FOXJ3: variants seen among roughly 807,000 people sequenced by gnomAD.
The protein encoded by FOXJ3 is forkhead box J3.
FOXJ3 carries 22 observed loss-of-function variants against 76.1 expected under a neutral mutation model. The ratio of observed to expected loss-of-function variants is 0.29; its 90% CI spans 0.21 to 0.41. FOXJ3 has a LOEUF of 0.41. FOXJ3 is among the 10% of genes least tolerant of loss of function. FOXJ3 has a pLI of 1.00. For missense variants in FOXJ3, 613 were observed against 762.1 expected, an observed-to-expected ratio of 0.80 and a Z score of 2.30; for synonymous variants, 269 against 261.2, an observed-to-expected ratio of 1.03 and a Z score of -0.29.
intron 4 of FOXJ3, among the ~76,000 whole-genome samples, chr1:42,229,495 T>C (rs1647884068): frequency 6.6e-6 from 1 of 152,154 alleles, no homozygotes; most frequent in South Asian, 2.1e-4. Flanking sequence ...TGTACACTGT[T>C]GGGGTACAAG....
intron 6 of FOXJ3, among the ~76,000 whole-genome samples, chr1:42,201,618 A>G (rs569742185): frequency 6.6e-6 from 1 of 152,340 alleles, no homozygotes; most frequent in African/African-American, 2.4e-5. Flanking sequence ...GCTGGGTTAA[A>G]TTAGACAACA....
chr1:42,303,358 T>C (rs1037862355), intron 2 of FOXJ3, among the ~76,000 whole-genome samples: 3 of 152,234 alleles, frequency 2.0e-5, no homozygotes, highest in Non-Finnish European at 2.9e-5. Context: ...AAATAATGCC[T>C]GGTCTAATAG....
At chr1:42,250,665 A>G (rs1005744009) in intron 4 of FOXJ3, among the ~76,000 whole-genome samples, 2 of 151,962 alleles carry the variant, frequency 1.3e-5, no homozygotes, top group Admixed American at 1.3e-4. Flanking sequence ...AAAAATACAA[A>G]ATTAGCTGGG....
At chr1:42,258,642 A>G (rs1164047102) in intron 4 of FOXJ3, among the ~76,000 whole-genome samples, 1 of 152,194 alleles carries the variant, frequency 6.6e-6, no homozygotes, top group African/African-American at 2.4e-5. Context: ...TTAAGCCTAG[A>G]GTGTTAAGAA....
At chr1:42,293,845 A>T (rs1035583239) in intron 2 of FOXJ3, among the ~76,000 whole-genome samples, 1 of 151,676 alleles carries the variant, frequency 6.6e-6, no homozygotes. Flanking sequence ...GGTGTTAATA[A>T]AACTGTGAAG....
At chr1:42,325,410 A>G (rs1655769921) in intron 1 of FOXJ3, among the ~76,000 whole-genome samples, 1 of 152,218 alleles carries the variant, frequency 6.6e-6, no homozygotes, top group African/African-American at 2.4e-5. Context: ...AAATCACAGG[A>G]TACTTCCAGA....
intron 11 of FOXJ3, among the ~76,000 whole-genome samples, chr1:42,183,281 G>A (rs1646361945): frequency 8.3e-6 from 1 of 120,926 alleles, no homozygotes; most frequent in East Asian, 2.8e-4. Context: ...AGAGCGGAGA[G>A]GGTGGAGCGG....
chr1:42,179,526 T>C lies in FOXJ3; in HGVS notation c.*184A>G. 2.2e-6 allele frequency: 1 copy of C among 446,118 alleles called. No individual in the cohort carries two copies. Among genetic ancestry groups the C allele is most frequent in the Non-Finnish European group, 4.1e-6 (1 of 246,398 alleles). 27.6% of individuals were successfully genotyped at this position (446,118 alleles called of 1,614,324 possible). Reference sequence around the variant, plus strand: ...GGCAGGGAGACAAACATGTAGTACTTGCTTGGGTCAGATAAAAGCAGTAAG... The same window carrying C: ...GGCAGGGAGACAAACATGTAGTACTCGCTTGGGTCAGATAAAAGCAGTAAG... On this transcript the variant is annotated 3_prime_UTR_variant, in exon 13 of 13. Coordinates refer to ENST00000361346, the MANE Select transcript of FOXJ3 (RefSeq NM_014947.5).
rs1646333565 is a variant in FOXJ3, at chr1:42,181,972, G to A, written c.1698C>T (p.Pro566=). 6.2e-7 allele frequency: 1 copy of A among 1,613,690 alleles called. No homozygotes were observed. The change falls in exon 12 of 13, where the codon CCC becomes CCT. Residue 566 remains proline (P), a synonymous_variant. Transcript: ENST00000361346. ...CCTGTGGGATATGAGGATAACCAGG[G>A]GGTGGCATCACTGAAGGAGGGAGAT... The part of the protein sequence containing the change: ...RQNLPPSVMP[P]PGYPHIPQAL...
chr1:42,301,942 T>C (rs1394841167), intron 2 of FOXJ3, among the ~76,000 whole-genome samples: 3 of 152,146 alleles, frequency 2.0e-5, no homozygotes, highest in African/African-American at 7.2e-5. Context: ...TCTCTCCTTA[T>C]TTTTTGAATT....
At chr1:42,228,418 C>T (rs1384987554) in intron 4 of FOXJ3, among the ~76,000 whole-genome samples, 1 of 151,956 alleles carries the variant, frequency 6.6e-6, no homozygotes, top group African/African-American at 2.4e-5. Flanking sequence ...TCCTGAGAAG[C>T]AATGATACGT....
intron 1 of FOXJ3, among the ~76,000 whole-genome samples, chr1:42,334,422 G>A (rs550356607): frequency 1.3e-5 from 2 of 152,110 alleles, no homozygotes; most frequent in Admixed American, 1.3e-4. Flanking sequence ...AGCTGGGAGG[G>A]GGGGCGGGAG....
rs115343613 is a variant in FOXJ3 at position 42,237,059 on chromosome 1, T to C, written c.445-9093A>G. Among the ~76,000 whole-genome samples the C allele has an allele frequency of 9.7e-3, 1,474 of 152,136 alleles. 30 individuals carry two copies. Among genetic ancestry groups the C allele is most frequent in the African/African-American group, 0.034 (1,424 of 41,494 alleles). ...GTATTCCAAATATCTTTTGCCCATG[T>C]TTTATTTGGATTATAAGAATATAGG... On this transcript the variant is annotated intron_variant, in intron 4 of 12. Transcript: ENST00000361346.
rs972139350 is a variant in FOXJ3 at position 42,291,649 on chromosome 1, A to ATTTTTG, written c.45-12983_45-12978dup. ...GAACTCATCTCTAAAGAAAAAAAAA[A>ATTTTTG]TTTTTGTTTTTGTTTTTGTTTTTGT... On this transcript the variant is annotated intron_variant, in intron 2 of 12. Coordinates refer to ENST00000361346, the MANE Select transcript of FOXJ3 (RefSeq NM_014947.5). 2.8e-4 allele frequency among the ~76,000 whole-genome samples: 43 copies of ATTTTTG among 151,936 alleles called. No homozygotes were observed. The East Asian group carries it at 7.7e-3, about 27-fold the overall frequency.
chr1:42,179,661 A>C lies in FOXJ3; in HGVS notation c.*49T>G, dbSNP rs1447245111. The C allele has an allele frequency of 2.0e-5, 23 of 1,134,730 alleles. No individual in the cohort carries two copies. In the East Asian group the frequency reaches 5.4e-4, roughly 27 times the overall value. 70.3% of individuals were successfully genotyped at this position (1,134,730 alleles called of 1,614,324 possible). A position where few individuals can be genotyped will look rare whatever the true frequency, so the allele number is the denominator to read the frequency against. On this transcript the variant is annotated 3_prime_UTR_variant, in exon 13 of 13. Transcript: ENST00000361346. The stretch of plus-strand genomic sequence containing the variant: ...TGGATTCTCTTAAACCTTTCCCTTC[A>C]CTGCACAGAAAGGTAACGTTAGGGT...
upstream of FOXJ3, chr1:42,335,772 G>C (rs1656459125): frequency 1.3e-5 from 2 of 150,490 alleles, no homozygotes; most frequent in Admixed American, 1.3e-4. Context: ...CCAGGTGCTA[G>C]ACTCATGTCT....
chr1:42,321,770 A>T (rs561569393), intron 1 of FOXJ3, among the ~76,000 whole-genome samples: 1 of 152,288 alleles, frequency 6.6e-6, no homozygotes, highest in South Asian at 2.1e-4. Context: ...GTGACAGGCC[A>T]AAAACAGTCA....
At position 42,291,083 on chromosome 1, in the gene FOXJ3, T is replaced by TAGAC. The variant is rs71065113; in HGVS notation, c.45-12415_45-12412dup. On this transcript the variant is annotated intron_variant, in intron 2 of 12. Transcript: ENST00000361346. ...ATAGATAGATAGATAGATAGATAGA[T>TAGAC]AGACAGACAGACAGACAGATAGATC... Among the ~76,000 whole-genome samples the TAGAC allele has an allele frequency of 5.0e-3, 633 of 126,440 alleles. 7 individuals are homozygous for TAGAC. Among genetic ancestry groups the TAGAC allele is most frequent in the African/African-American group, 0.014 (469 of 34,054 alleles). The allele number at this position is 126,440 out of a possible 152,430, so 82.9% of individuals were successfully genotyped here. A position where few individuals can be genotyped will look rare whatever the true frequency, so the allele number is the denominator to read the frequency against.
chr1:42,274,777 CT>C (rs1652132680), intron 3 of FOXJ3, among the ~76,000 whole-genome samples: 1 of 151,516 alleles, frequency 6.6e-6, no homozygotes, highest in African/African-American at 2.4e-5. Context: ...GTTTATAATA[CT>C]GTTATTAATA....
Sources: gnomAD v4.1 joint callset for allele counts (sites outside exome capture counted in the v4.1 genomes callset) on GRCh38, gnomAD v4.1.1 for gene constraint, MANE v1.5 for transcripts, NCBI Gene and HGNC (gene_info 2026-07-23, HGNC 2026-07-21) for gene names.